CXADR: variants seen among roughly 807,000 people sequenced by gnomAD.
The protein encoded by CXADR is CXADR cell adhesion molecule, also known as coxsackievirus and adenovirus receptor.
In CXADR, 20 loss-of-function variants were observed where a neutral mutation model predicts 40.3. The ratio of observed to expected loss-of-function variants is 0.50; its 90% confidence interval spans 0.35 to 0.72. The LOEUF (loss-of-function observed/expected upper bound fraction) is 0.72. Among genes scored for constraint, CXADR ranks in the 30% least tolerant of loss-of-function variants. The pLI is 0.01. For synonymous variants in CXADR, 150 were observed against 161.3 expected (o/e 0.93, Z 0.53); for missense variants, 332 against 449.1 (o/e 0.74, Z 2.36).
chr21:17,564,480 GAA>G (rs939520467), intron 6 of CXADR, among the ~76,000 whole-genome samples: 6 of 152,032 alleles, frequency 3.9e-5, no homozygotes, highest in Admixed American at 2.0e-4. Flanking sequence ...ATAATGACAA[GAA>G]AAAAGCTGTA....
chr21:17,518,920 T>C (rs2060494491), intron 1 of CXADR: 4 of 1,593,908 alleles, frequency 2.5e-6, no homozygotes, highest in Non-Finnish European at 3.4e-6. Flanking sequence ...ATGTACCACC[T>C]TCTTTCTGCG....
chr21:17,615,456 T>G, the CXADR span, among the ~76,000 whole-genome samples: 2 of 152,198 alleles, frequency 1.3e-5, no homozygotes, highest in African/African-American at 4.8e-5. Context: ...AAACTGCACA[T>G]GGTACCAAAC....
chr21:17,536,756 A>G (rs2060763710), intron 1 of CXADR, among the ~76,000 whole-genome samples: 1 of 151,956 alleles, frequency 6.6e-6, no homozygotes, highest in African/African-American at 2.4e-5. Context: ...AAAGTGCATT[A>G]TTTATTTTTT....
At chr21:17,524,805 A>T (rs531354087) in intron 1 of CXADR, among the ~76,000 whole-genome samples, 1 of 151,280 alleles carries the variant, frequency 6.6e-6, no homozygotes, top group East Asian at 2.0e-4. Flanking sequence ...GCTATTCGGG[A>T]GGCTGAGGTA....
chr21:17,528,068 C>CTTTT (rs35477813), intron 1 of CXADR, among the ~76,000 whole-genome samples: 993 of 78,370 alleles, frequency 0.013, 2 homozygotes, highest in Non-Finnish European at 0.016. Flanking sequence ...TTAGTTCTTT[C>CTTTT]TTTTTTTTTT....
chr21:17,521,265 C>G (rs1251308481), intron 1 of CXADR, among the ~76,000 whole-genome samples: 5 of 152,104 alleles, frequency 3.3e-5, no homozygotes, highest in Admixed American at 2.0e-4. Flanking sequence ...TGAGAACATT[C>G]AGAAAGTTCC....
At chr21:17,550,547 A>C (rs1473841049) in intron 2 of CXADR, among the ~76,000 whole-genome samples, 1 of 152,176 alleles carries the variant, frequency 6.6e-6, no homozygotes, top group African/African-American at 2.4e-5. Context: ...AATTAATTGC[A>C]GGATACAGGC....
Position 17,566,995 on chromosome 21 carries a change from A to C in CXADR, c.*1303A>C, listed in dbSNP as rs1387240539. On this transcript the variant is annotated 3_prime_UTR_variant, in exon 7 of 7. Coordinates refer to ENST00000284878, the MANE Select transcript of CXADR (RefSeq NM_001338.5). ...AAAAAAAGATAAGAAGGAGGAGTAA[A>C]GGGACTACTCCTCCTTGCCAAATGT... 1.2e-5 allele frequency: 12 copies of C among 976,544 alleles called. No homozygotes were observed. Among genetic ancestry groups the C allele is most frequent in the African/African-American group, 1.8e-5 (1 of 57,064 alleles). The allele number at this position is 976,544 out of a possible 1,614,324, so 60.5% of individuals were successfully genotyped here.
intron 2 of CXADR, among the ~76,000 whole-genome samples, chr21:17,547,749 T>C (rs1403541240): frequency 7.7e-6 from 1 of 129,188 alleles, no homozygotes; most frequent in Non-Finnish European, 1.8e-5. Flanking sequence ...AAAGACAAAA[T>C]CTTTTTAAAT....
chr21:17,539,706 A>C (rs1190351377), intron 1 of CXADR, among the ~76,000 whole-genome samples: 1 of 152,216 alleles, frequency 6.6e-6, no homozygotes, highest in Non-Finnish European at 1.5e-5. Flanking sequence ...ATTAATGTAC[A>C]TAATTTTTTT....
chr21:17,523,949 C>T (rs1004274481), intron 1 of CXADR, among the ~76,000 whole-genome samples: 1 of 151,994 alleles, frequency 6.6e-6, no homozygotes, highest in Non-Finnish European at 1.5e-5. Context: ...ACCTCCGCCT[C>T]CCAGGTTTAA....
intron 7 of CXADR, among the ~76,000 whole-genome samples, chr21:17,576,152 G>A (rs922058055): frequency 2.6e-5 from 4 of 152,046 alleles, no homozygotes; most frequent in Non-Finnish European, 5.9e-5. Flanking sequence ...GCCCAACAGG[G>A]TTCCATTGAT....
At chr21:17,619,989 G>T in the CXADR span, among the ~76,000 whole-genome samples, 45 of 152,218 alleles carry the variant, frequency 3.0e-4, no homozygotes, top group African/African-American at 1.1e-3. Context: ...GAATGTTGTG[G>T]CTGGTTTGAT....
chr21:17,622,870 G>T, the CXADR span, among the ~76,000 whole-genome samples: 1 of 152,186 alleles, frequency 6.6e-6, no homozygotes, highest in Admixed American at 6.5e-5. Context: ...AAATGTTTCA[G>T]AGCAACAACT....
rs1465582036 is a variant in CXADR at position 17,569,386 on chromosome 21, A to T, written c.*3694A>T. ...ATATATTATATATATATATGTACAT[A>T]TATCTTTATAACATTCCTGTGTTTA... On this transcript the variant is annotated 3_prime_UTR_variant, in exon 7 of 7. Transcript: ENST00000284878. 1.0e-6 allele frequency: 1 copy of T among 982,638 alleles called. No homozygotes were observed. The highest frequency in any genetic ancestry group is 1.8e-5 in the African/African-American group (1 of 57,076). The allele number at this position is 982,638 out of a possible 1,614,324, so 60.9% of individuals were successfully genotyped here. A position where few individuals can be genotyped will look rare whatever the true frequency, so the allele number is the denominator to read the frequency against.
intron 4 of CXADR, 42 bp from the exon 5 acceptor site, chr21:17,560,660 T>C: frequency 6.3e-7 from 1 of 1,577,296 alleles, no homozygotes. Context: ...TAACAATACA[T>C]ACTATAAAAA....
intron 1 of CXADR, among the ~76,000 whole-genome samples, chr21:17,526,295 G>T (rs545625871): frequency 6.6e-6 from 1 of 152,012 alleles, no homozygotes; most frequent in East Asian, 1.9e-4. Flanking sequence ...TTCTAAAATC[G>T]TTATTTTTTT....
At chr21:17,579,199 A>G (rs148007715) in intron 7 of CXADR, among the ~76,000 whole-genome samples, 2 of 152,306 alleles carry the variant, frequency 1.3e-5, no homozygotes, top group South Asian at 2.1e-4. Flanking sequence ...TGAGAAAGTG[A>G]GAGAGATGGA....
At chr21:17,581,244 A>C (rs866776325) in intron 7 of CXADR, among the ~76,000 whole-genome samples, 30 of 152,216 alleles carry the variant, frequency 2.0e-4, no homozygotes, top group African/African-American at 6.8e-4. Context: ...TTGGTATAAC[A>C]AGTAAAATTA....
Sources: allele counts gnomAD v4.1 joint callset (sites outside exome capture counted in the v4.1 genomes callset), GRCh38; gene constraint gnomAD v4.1.1; transcripts MANE v1.5; gene names NCBI Gene and HGNC (gene_info 2026-07-23, HGNC 2026-07-21).